ZNF131: variants seen among roughly 807,000 people sequenced by gnomAD.
ZNF131 encodes zinc finger and BTB domain containing 35.
ZNF131 carries 7 observed loss-of-function variants against 60.0 expected under a neutral mutation model. The observed-to-expected ratio is 0.12, with a 90% confidence interval of 0.07 to 0.22. ZNF131 has a LOEUF of 0.22. ZNF131 is among the 10% of genes least tolerant of loss of function. The probability of loss-of-function intolerance (pLI) is 1.00; values close to 1 mark genes in which losing one functional copy is unlikely to be tolerated. For missense variants in ZNF131, 493 were observed against 740.9 expected, an observed-to-expected ratio of 0.67 and a Z score of 3.88; for synonymous variants, 257 against 253.2, an observed-to-expected ratio of 1.01 and a Z score of -0.14.
intron 3 of ZNF131, among the ~76,000 whole-genome samples, chr5:43,132,651 C>T (rs569970680): frequency 1.1e-4 from 17 of 151,974 alleles, no homozygotes; most frequent in Admixed American, 2.6e-4. Context: ...GCTGGGATTA[C>T]AGGCGCGCGT....
chr5:43,162,768 G>A (rs1749865461), intron 5 of ZNF131, among the ~76,000 whole-genome samples: 1 of 150,104 alleles, frequency 6.7e-6, no homozygotes, highest in Non-Finnish European at 1.5e-5. Flanking sequence ...AGTTGGGCAT[G>A]GTGGCAGGCA....
chr5:43,175,687 A>G lies in ZNF131; in HGVS notation c.*554A>G. 2.6e-6 allele frequency: 1 copy of G among 379,024 alleles called. No individual in the cohort carries two copies. Among genetic ancestry groups the G allele is most frequent in the Non-Finnish European group, 4.7e-6 (1 of 214,886 alleles). 23.5% of individuals were successfully genotyped at this position (379,024 alleles called of 1,614,324 possible). A position where few individuals can be genotyped will look rare whatever the true frequency, so the allele number is the denominator to read the frequency against. On this transcript the variant is annotated 3_prime_UTR_variant, in exon 7 of 7. Coordinates refer to ENST00000682664, the MANE Select transcript of ZNF131 (RefSeq NM_001330707.2). The stretch of plus-strand genomic sequence containing the variant: ...GTCACAGATGCCATCTTTGCAACAG[A>G]AAGAGTGGTGGTGGCAAAATTTCTA...
intron 4 of ZNF131, among the ~76,000 whole-genome samples, chr5:43,159,547 T>G (rs924367628): frequency 2.0e-5 from 3 of 151,714 alleles, no homozygotes; most frequent in African/African-American, 7.3e-5. Context: ...ATACAAAAAT[T>G]AGGCGGGCAT....
intron 5 of ZNF131, among the ~76,000 whole-genome samples, chr5:43,172,654 C>A (rs1318746176): frequency 6.6e-6 from 1 of 151,800 alleles, no homozygotes; most frequent in East Asian, 1.9e-4. Context: ...ATATAAATCA[C>A]CCTCTATTTG....
chr5:43,121,011 A>G lies in ZNF131; in HGVS notation c.-128A>G, dbSNP rs1324765034. 1 of 152,108 alleles carries G rather than the reference A, an allele frequency of 6.6e-6. No homozygotes were observed. The highest frequency in any genetic ancestry group is 1.5e-5 in the Non-Finnish European group (1 of 68,026). 9.4% of individuals were successfully genotyped at this position (152,108 alleles called of 1,614,324 possible). On this transcript the variant is annotated 5_prime_UTR_variant, in exon 1 of 7. Transcript: ENST00000682664. ...GCTCTCACGAAGAAAATGGAGGGCG[A>G]CCCACGGGTTAGGGGTCAGGAAAGG...
chr5:43,172,940 C>T (rs755532121), intron 5 of ZNF131, among the ~76,000 whole-genome samples: 1 of 152,158 alleles, frequency 6.6e-6, no homozygotes, highest in Non-Finnish European at 1.5e-5. Context: ...TCACCTAGCA[C>T]ATGGTCTAGC....
chr5:43,133,839 A>C (rs1037929382), intron 3 of ZNF131, among the ~76,000 whole-genome samples: 13 of 152,234 alleles, frequency 8.5e-5, no homozygotes, highest in African/African-American at 3.1e-4. Flanking sequence ...TAATGCAGGA[A>C]TGGAAAGTGT....
chr5:43,134,409 C>T lies in ZNF131; in HGVS notation c.227-4756C>T, dbSNP rs150888135. Among the ~76,000 whole-genome samples, 473 of 152,178 alleles carry T rather than the reference C, an allele frequency of 3.1e-3. 3 individuals are homozygous for T. The highest frequency in any genetic ancestry group is 0.01 in the African/African-American group (430 of 41,542). On this transcript the variant is annotated intron_variant, in intron 3 of 6. Transcript: ENST00000682664. ...AAAGGCCCACAGCTAGCATACTCAACGGTGAAAAACTGACACTTTTTTCTC... is the reference window on the plus strand; with the variant it reads ...AAAGGCCCACAGCTAGCATACTCAATGGTGAAAAACTGACACTTTTTTCTC...
intron 3 of ZNF131, among the ~76,000 whole-genome samples, chr5:43,134,425 CTT>C (rs1745758750): frequency 6.6e-6 from 1 of 152,134 alleles, no homozygotes; most frequent in Non-Finnish European, 1.5e-5. Context: ...AAAACTGACA[CTT>C]TTTTCTCTAA....
intron 4 of ZNF131, among the ~76,000 whole-genome samples, chr5:43,151,663 G>A (rs896248084): frequency 6.6e-6 from 1 of 152,076 alleles, no homozygotes; most frequent in Non-Finnish European, 1.5e-5. Flanking sequence ...TCCAACTCCC[G>A]ACCTCAAGTA....
chr5:43,172,460 A>G (rs1279331171), intron 5 of ZNF131, among the ~76,000 whole-genome samples: 1 of 152,144 alleles, frequency 6.6e-6, no homozygotes, highest in African/African-American at 2.4e-5. Flanking sequence ...GTCTATACTA[A>G]AGATACAAAA....
intron 4 of ZNF131, among the ~76,000 whole-genome samples, chr5:43,140,124 AGGG>A: frequency 7.0e-5 from 1 of 14,368 alleles, no homozygotes; most frequent in South Asian, 5.8e-3. Flanking sequence ...CTGAGGTGGG[AGGG>A]GAGGATCACC....
At position 43,161,864 on chromosome 5, in the gene ZNF131, A is replaced by G. The variant is rs1749732041; in HGVS notation, c.987A>G (p.Val329=). The G allele has an allele frequency of 1.2e-6, 2 of 1,613,882 alleles. No individual in the cohort carries two copies. Among genetic ancestry groups the G allele is most frequent in the South Asian group, 2.2e-5 (2 of 90,976 alleles). Residue 329 remains valine, a synonymous_variant, in exon 5 of 7, where the codon GTA becomes GTG. Coordinates refer to ENST00000682664, the MANE Select transcript of ZNF131 (RefSeq NM_001330707.2). ...KKQRTGKKIH[V]CQYCEKQFDH... ...AAAGAACTGGGAAAAAAATTCATGT[A>G]TGTCAGTACTGTGAGAAACAGTTTG...
At chr5:43,128,460 C>T (rs950898943) in intron 3 of ZNF131, among the ~76,000 whole-genome samples, 1 of 151,870 alleles carries the variant, frequency 6.6e-6, no homozygotes, top group Non-Finnish European at 1.5e-5. Context: ...TCGAGATCAT[C>T]CTGGCTGACA....
At chr5:43,146,316 G>A (rs1561415274) in intron 4 of ZNF131, among the ~76,000 whole-genome samples, 2 of 152,020 alleles carry the variant, frequency 1.3e-5, no homozygotes, top group African/African-American at 2.4e-5. Context: ...GGCCGGGCGC[G>A]GTGGCTCACG....
chr5:43,174,105 G>T (rs964811206), intron 6 of ZNF131, among the ~76,000 whole-genome samples: 13 of 152,182 alleles, frequency 8.5e-5, no homozygotes, highest in South Asian at 2.1e-4. Flanking sequence ...GCAGATGCCT[G>T]TAATCCCAGC....
intron 4 of ZNF131, among the ~76,000 whole-genome samples, chr5:43,144,247 T>C (rs1372783965): frequency 2.1e-4 from 22 of 105,400 alleles, no homozygotes; most frequent in South Asian, 7.6e-4. Flanking sequence ...CTTTTTTTTT[T>C]TTTTTTTTTT....
chr5:43,130,269 A>C (rs1278648181), intron 3 of ZNF131, among the ~76,000 whole-genome samples: 3 of 139,384 alleles, frequency 2.2e-5, no homozygotes, highest in Non-Finnish European at 4.9e-5. Context: ...GTCTCCAAAA[A>C]AAAAAAAAAA....
chr5:43,163,894 C>A (rs894661590), intron 5 of ZNF131, among the ~76,000 whole-genome samples: 10 of 152,184 alleles, frequency 6.6e-5, no homozygotes, highest in Non-Finnish European at 1.3e-4. Flanking sequence ...TGGTATACAT[C>A]ACTTGAAATT....
Sources: gnomAD v4.1 joint callset for allele counts (sites outside exome capture counted in the v4.1 genomes callset) on GRCh38, gnomAD v4.1.1 for gene constraint, MANE v1.5 for transcripts, NCBI Gene and HGNC (gene_info 2026-07-23, HGNC 2026-07-21) for gene names.